Variants in UBE4A observed in about 807,000 individuals in gnomAD.
UBE4A encodes the protein ubiquitin conjugation factor E4 A.
UBE4A carries 48 observed loss-of-function variants against 117.9 expected under a neutral mutation model. The ratio of observed to expected loss-of-function variants is 0.41; its 90% confidence interval spans 0.32 to 0.52. The LOEUF is 0.52. UBE4A is among the 20% of genes least tolerant of loss of function. The pLI is 0.33. For synonymous variants in UBE4A, 407 were observed against 450.0 expected, an observed-to-expected ratio of 0.90 and a Z score of 1.21; for missense variants, 1,067 against 1,296.3, an observed-to-expected ratio of 0.82 and a Z score of 2.72.
Position 118,381,385 on chromosome 11 carries a change from T to A in UBE4A, c.1877-6T>A. 1.2e-6 allele frequency: 2 copies of A among 1,613,968 alleles called. No homozygotes were observed. The highest frequency in any genetic ancestry group is 2.7e-5 in the African/African-American group (2 of 75,040). On this transcript the variant is annotated splice_region_variant and splice_polypyrimidine_tract_variant and intron_variant, in intron 11 of 19. Coordinates refer to ENST00000252108, the MANE Select transcript of UBE4A (RefSeq NM_001204077.2). Reference sequence around the variant, plus strand: ...GGCTAATTCCAGTGAATATTTTCTTTTTCAGAATTTTTTGCAGATAACCTG... The same window carrying A: ...GGCTAATTCCAGTGAATATTTTCTTATTCAGAATTTTTTGCAGATAACCTG...
At position 118,386,308 on chromosome 11, in the gene UBE4A, G is replaced by A. The variant is rs782475709; in HGVS notation, c.2413-130G>A. 1.2e-5 allele frequency: 12 copies of A among 980,850 alleles called. No individual in the cohort carries two copies. In the African/African-American group the frequency reaches 1.7e-4, roughly 14 times the overall value. The allele number at this position is 980,850 out of a possible 1,614,324, so 60.8% of individuals were successfully genotyped here. Reference sequence around the variant, plus strand: ...TTCAGCCTTATGCTGAGAAATAAAGGCTCATGTCTTTTACATGGTCCCTCG... The same window carrying A: ...TTCAGCCTTATGCTGAGAAATAAAGACTCATGTCTTTTACATGGTCCCTCG... On this transcript the variant is annotated intron_variant, in intron 15 of 19. Transcript: ENST00000252108.
intron 4 of UBE4A, among the ~76,000 whole-genome samples, chr11:118,370,230 C>T (rs1027729306): frequency 6.6e-6 from 1 of 152,172 alleles, no homozygotes; most frequent in South Asian, 2.1e-4. Context: ...TTCTTATGTA[C>T]CTGTCTTATC....
intron 1 of UBE4A, 35 bp downstream of exon 1, chr11:118,359,709 T>G (rs1359280509): frequency 6.6e-6 from 1 of 152,374 alleles, no homozygotes; most frequent in Non-Finnish European, 1.5e-5. Context: ...GACGGGGTCG[T>G]TGACTTTGCG....
chr11:118,396,541 C>G lies in UBE4A; in HGVS notation c.*101C>G. 1.1e-6 allele frequency: 1 copy of G among 911,764 alleles called. No homozygotes were observed. Among genetic ancestry groups the G allele is most frequent in the Non-Finnish European group, 1.5e-6 (1 of 684,432 alleles). The allele number at this position is 911,764 out of a possible 1,614,324, so 56.5% of individuals were successfully genotyped here. A position where few individuals can be genotyped will look rare whatever the true frequency, so the allele number is the denominator to read the frequency against. ...TTCTGTTCCTTTTCTTTCTTCTTTTCTTTTTCTTTTTTTTTTTTTTTTTTA... is the reference window on the plus strand; with the variant it reads ...TTCTGTTCCTTTTCTTTCTTCTTTTGTTTTTCTTTTTTTTTTTTTTTTTTA... On this transcript the variant is annotated 3_prime_UTR_variant, in exon 20 of 20. Transcript: ENST00000252108.
At chr11:118,365,434 G>A (rs1018867442) in intron 2 of UBE4A, among the ~76,000 whole-genome samples, 1 of 152,048 alleles carries the variant, frequency 6.6e-6, no homozygotes, top group Non-Finnish European at 1.5e-5. Context: ...AAGAGACCAG[G>A]TAACAGGTGG....
At chr11:118,390,903 A>G (rs1948809455) in intron 18 of UBE4A, 99 bp downstream of exon 18, 17 of 1,479,404 alleles carry the variant, frequency 1.1e-5, no homozygotes, top group Non-Finnish European at 1.6e-5. Context: ...TTAAGAGCCT[A>G]AGGCTAGAGG....
intron 19 of UBE4A, 106 bp from the exon 20 acceptor site, chr11:118,396,208 C>A: frequency 7.2e-7 from 1 of 1,397,712 alleles, no homozygotes; most frequent in East Asian, 2.6e-5. Flanking sequence ...AGTTATAATG[C>A]ACTCTGGCTT....
At chr11:118,393,340 C>G (rs1383907584) in intron 19 of UBE4A, among the ~76,000 whole-genome samples, 2 of 152,116 alleles carry the variant, frequency 1.3e-5, no homozygotes, top group Non-Finnish European at 2.9e-5. Flanking sequence ...TTGCTTGAAC[C>G]CAGGAGGCAG....
chr11:118,381,142 A>G (rs149640376), intron 11 of UBE4A, among the ~76,000 whole-genome samples: 2 of 152,322 alleles, frequency 1.3e-5, no homozygotes, highest in African/African-American at 2.4e-5. Flanking sequence ...AAAAATGTAT[A>G]TATTAGTATA....
chr11:118,379,231 A>G (rs1459071096), intron 10 of UBE4A, among the ~76,000 whole-genome samples: 1 of 152,188 alleles, frequency 6.6e-6, no homozygotes, highest in Non-Finnish European at 1.5e-5. Context: ...GCTATTTGCA[A>G]TTAGCTTCAA....
chr11:118,395,549 G>T (rs1422174913), intron 19 of UBE4A, among the ~76,000 whole-genome samples: 3 of 152,180 alleles, frequency 2.0e-5, no homozygotes, highest in Non-Finnish European at 4.4e-5. Context: ...TAATCTGCAT[G>T]TACTTGCATA....
At chr11:118,370,180 C>G (rs528402839) in intron 4 of UBE4A, among the ~76,000 whole-genome samples, 1 of 152,090 alleles carries the variant, frequency 6.6e-6, no homozygotes, top group Non-Finnish European at 1.5e-5. Context: ...GCCTCTGAAT[C>G]TCTTGTGGGA....
rs1228642367 is a variant in UBE4A at position 118,375,114 on chromosome 11, A to T, written c.1335A>T (p.Leu445=). ...FLNLGAALLK[L]CQPFCKPRSS... ...ATCTGGGTGCTGCTCTCCTGAAGCTATGCCAGCCATTTTGCAAACCCAGAT... is the reference window on the plus strand; with the variant it reads ...ATCTGGGTGCTGCTCTCCTGAAGCTTTGCCAGCCATTTTGCAAACCCAGAT... Residue 445 remains leucine (L), a synonymous_variant, in exon 9 of 20, where the codon CTA becomes CTT. Transcript: ENST00000252108. 3 of 1,614,102 alleles carry T rather than the reference A, an allele frequency of 1.9e-6. No individual in the cohort carries two copies. The highest frequency in any genetic ancestry group is 2.5e-6 in the Non-Finnish European group (3 of 1,180,040).
Position 118,373,197 on chromosome 11 carries a change from G to T in UBE4A, c.833G>T (p.Gly278Val). ...VMIPVFDILL[G>V]RIKDLELCQI... ...ATTCCAGTGTTTGATATTTTATTGG[G>T]CCGAATAAAAGATCTAGAGCTCTGT... Residue 278 changes from glycine to valine, a missense_variant, in exon 7 of 20, where the codon GGC becomes GTC. By Grantham distance (109) the Gly-to-Val change is moderately radical (BLOSUM62 -3). This residue lies in a region of UBE4A where 1,001 missense variants were observed against 1,184.0 expected (regional missense o/e 0.85). Transcript: ENST00000252108. 6.2e-7 allele frequency: 1 copy of T among 1,613,904 alleles called. No homozygotes were observed.
chr11:118,373,651 A>G lies in UBE4A; in HGVS notation c.1082A>G (p.Gln361Arg), dbSNP rs1468084742. The change falls in exon 8 of 20, where the codon CAG (glutamine) becomes CGG (arginine). Residue 361 changes from glutamine to arginine, a missense_variant. Gln to Arg is a conservative substitution (Grantham distance 43, BLOSUM62 1). This residue lies in a region of UBE4A where 1,001 missense variants were observed against 1,184.0 expected (regional missense o/e 0.85). Coordinates refer to ENST00000252108, the MANE Select transcript of UBE4A (RefSeq NM_001204077.2). ...YFLNPSRSSP[Q>R]EIKVQEANIH... ...TTGAATCCATCTCGTTCCAGCCCCC[A>G]GGAGATCAAAGTACAGGAGGCCAAC... 2.5e-6 allele frequency: 4 copies of G among 1,614,022 alleles called. No homozygotes were observed. The African/African-American group carries it at 4.0e-5, about 16-fold the overall frequency.
At chr11:118,371,436 C>G (rs1001438440) in intron 4 of UBE4A, 78 bp from the exon 5 acceptor site, 14 of 1,472,090 alleles carry the variant, frequency 9.5e-6, no homozygotes, top group Non-Finnish European at 1.2e-5. Flanking sequence ...TAACCTGTGT[C>G]AGAATTACCT....
At chr11:118,369,665 T>C (rs1463941491) in intron 4 of UBE4A, 130 bp downstream of exon 4, 15 of 603,756 alleles carry the variant, frequency 2.5e-5, no homozygotes, top group Middle Eastern at 4.0e-4. Flanking sequence ...TTTTTTTTTT[T>C]ACCAGTAGAA....
intron 18 of UBE4A, among the ~76,000 whole-genome samples, 171 bp from the exon 19 acceptor site, chr11:118,392,567 A>G (rs1454353114): frequency 6.6e-6 from 1 of 152,326 alleles, no homozygotes; most frequent in African/African-American, 2.4e-5. Flanking sequence ...TGTTCTTAGA[A>G]TATCTTGGCT....
At chr11:118,372,962 CA>C in intron 6 of UBE4A, 123 bp from the exon 7 acceptor site, 3 of 947,534 alleles carry the variant, frequency 3.2e-6, no homozygotes, top group Non-Finnish European at 3.0e-6. Context: ...CCAGGCTGAG[CA>C]AAAAAACAAG....
Sources: gnomAD v4.1 joint callset for allele counts (sites outside exome capture counted in the v4.1 genomes callset) on GRCh38, gnomAD v4.1.1 for gene constraint, gnomAD v4.1.1 regional missense constraint, MANE v1.5 for transcripts, NCBI Gene and HGNC (gene_info 2026-07-23, HGNC 2026-07-21) for gene names.